The following ETFDH variants were observed in gnomAD, a reference collection of about 807,000 sequenced individuals.
ETFDH encodes the protein electron transfer flavoprotein-ubiquinone oxidoreductase, mitochondrial.
Under a neutral mutation model 73.2 loss-of-function variants are expected in ETFDH, and 61 were observed. The ratio of observed to expected loss-of-function variants is 0.83; its 90% CI spans 0.68 to 1.03. The LOEUF (loss-of-function observed/expected upper bound fraction) is 1.03, where lower values mean the gene tolerates loss of function less well. Among genes scored for constraint, ETFDH ranks in the 50% least tolerant of loss-of-function variants. The pLI is 0.00. For missense variants in ETFDH, 685 were observed against 745.0 expected (o/e 0.92, Z 0.94); for synonymous variants, 243 against 253.3 (o/e 0.96, Z 0.39).
intron 10 of ETFDH, 28 bp from the exon 11 acceptor site, chr4:158,706,161 A>G: frequency 6.6e-7 from 1 of 1,503,934 alleles, no homozygotes; most frequent in East Asian, 2.3e-5. Context: ...GCAGTTTCGC[A>G]CTTAACATTT....
chr4:158,707,972 G>A (rs1774677123), intron 12 of ETFDH, among the ~76,000 whole-genome samples: 1 of 152,214 alleles, frequency 6.6e-6, no homozygotes, highest in Non-Finnish European at 1.5e-5. Context: ...TGAAATACAT[G>A]AACAGAAACG....
intron 9 of ETFDH, 54 bp downstream of exon 9, chr4:158,699,184 A>G: frequency 7.0e-7 from 1 of 1,427,384 alleles, no homozygotes; most frequent in Non-Finnish European, 9.9e-7. Context: ...TTCAGAATTG[A>G]ACATATAATG....
intron 10 of ETFDH, among the ~76,000 whole-genome samples, chr4:158,705,392 TATTGG>T (rs1020600675): frequency 1.6e-4 from 24 of 152,194 alleles, no homozygotes; most frequent in Admixed American, 1.2e-3. Flanking sequence ...ATACCAGCCA[TATTGG>T]ATTAGAGACC....
intron 9 of ETFDH, among the ~76,000 whole-genome samples, chr4:158,702,524 A>G (rs1157256338): frequency 6.6e-6 from 1 of 151,206 alleles, no homozygotes; most frequent in Admixed American, 6.6e-5. Flanking sequence ...CTCCACTTCC[A>G]TAAGATCAAC....
chr4:158,681,976 G>A (rs1773870100), intron 2 of ETFDH: 4 of 579,290 alleles, frequency 6.9e-6, no homozygotes, highest in Admixed American at 3.3e-5. Flanking sequence ...TCAAAGCCAA[G>A]AATTAGTTTA....
chr4:158,689,636 A>ATATATATATTTT (rs765147554), intron 5 of ETFDH, among the ~76,000 whole-genome samples: 2 of 63,666 alleles, frequency 3.1e-5, no homozygotes, highest in African/African-American at 6.1e-5. Flanking sequence ...ATATATATAT[A>ATATATATATTTT]TTGTGGGGGG....
chr4:158,697,374 C>T (rs556555102), intron 7 of ETFDH, among the ~76,000 whole-genome samples, 185 bp from the exon 8 acceptor site: 61 of 152,232 alleles, frequency 4.0e-4, no homozygotes, highest in East Asian at 3.9e-3. Context: ...GGATTGCAGG[C>T]GTGAGCCACC....
chr4:158,705,284 A>C (rs1041349364), intron 10 of ETFDH, among the ~76,000 whole-genome samples: 1 of 152,072 alleles, frequency 6.6e-6, no homozygotes, highest in Admixed American at 6.6e-5. Flanking sequence ...TGCAATCTCA[A>C]ATTCCTTGGC....
At chr4:158,681,022 T>C (rs1015383329) in intron 2 of ETFDH, among the ~76,000 whole-genome samples, 1 of 136,898 alleles carries the variant, frequency 7.3e-6, no homozygotes, top group African/African-American at 2.6e-5. Context: ...ATTATACTTT[T>C]ATCATTATTT....
At position 158,672,495 on chromosome 4, in the gene ETFDH, G is replaced by C. The variant is rs1373597092; in HGVS notation, c.34+5G>C. 2 of 1,614,154 alleles carry C rather than the reference G, an allele frequency of 1.2e-6. No individual in the cohort carries two copies. Among genetic ancestry groups the C allele is most frequent in the Admixed American group, 1.7e-5 (1 of 60,032 alleles). On this transcript the variant is annotated splice_donor_5th_base_variant and intron_variant, in intron 1 of 12. Coordinates refer to ENST00000511912, the MANE Select transcript of ETFDH (RefSeq NM_004453.4). ...TAGCCAAGCTGTCCTGCCTGGGTGA[G>C]AGGAAACGGGCGGTGGGGATAAGTG...
intron 1 of ETFDH, among the ~76,000 whole-genome samples, chr4:158,677,332 T>C (rs879342642): frequency 6.6e-5 from 10 of 152,164 alleles, no homozygotes; most frequent in Non-Finnish European, 1.0e-4. Context: ...ACGTGTAAGG[T>C]TTACATTGGC....
intron 9 of ETFDH, among the ~76,000 whole-genome samples, chr4:158,699,364 T>C (rs906425555): frequency 3.3e-5 from 5 of 151,892 alleles, no homozygotes; most frequent in Non-Finnish European, 5.9e-5. Context: ...GAAGGCCGAG[T>C]TGGGTAGTCT....
chr4:158,677,313 T>C (rs1773735268), intron 1 of ETFDH, among the ~76,000 whole-genome samples: 2 of 152,218 alleles, frequency 1.3e-5, no homozygotes, highest in Admixed American at 1.3e-4. Context: ...GGCAAAGACA[T>C]TAATCAATAC....
chr4:158,683,928 A>G (rs140373213), intron 3 of ETFDH, among the ~76,000 whole-genome samples: 166 of 152,266 alleles, frequency 1.1e-3, no homozygotes, highest in African/African-American at 3.8e-3. Flanking sequence ...TCCAAGAGGA[A>G]AATAAAACTT....
intron 9 of ETFDH, among the ~76,000 whole-genome samples, chr4:158,701,402 ATTTAATGCTC>A (rs1774458558): frequency 6.6e-6 from 1 of 152,130 alleles, no homozygotes; most frequent in Non-Finnish European, 1.5e-5. Flanking sequence ...TGTGGTCCTG[ATTTAATGCTC>A]TTTTATCTAA....
chr4:158,707,371 C>G (rs17843974), intron 12 of ETFDH, among the ~76,000 whole-genome samples: 1,935 of 152,316 alleles, frequency 0.013, 44 homozygotes, highest in African/African-American at 0.042. Flanking sequence ...AGAAGATACA[C>G]TGTGACTTGG....
chr4:158,698,935 G>T, intron 8 of ETFDH, 52 bp from the exon 9 acceptor site: 2 of 1,296,038 alleles, frequency 1.5e-6, no homozygotes, highest in Non-Finnish European at 2.2e-6. Context: ...ATTTTAGCTT[G>T]ATTTAATTTG....
rs1290863946 is a variant in ETFDH at position 158,690,522 on chromosome 4, A to C, written c.684+97A>C. The C allele has an allele frequency of 3.6e-6, 3 of 832,632 alleles. No homozygotes were observed. The African/African-American group carries it at 5.0e-5, about 14-fold the overall frequency. 51.6% of individuals were successfully genotyped at this position (832,632 alleles called of 1,614,324 possible). A position where few individuals can be genotyped will look rare whatever the true frequency, so the allele number is the denominator to read the frequency against. ...GAAACCCCATCTCTCCAAAAAAAGA[A>C]AACAAAATTAGCTGGGCTTCGTGGT... On this transcript the variant is annotated intron_variant, in intron 6 of 12. Transcript: ENST00000511912.
chr4:158,703,705 A>C (rs1030704817), intron 10 of ETFDH, 114 bp downstream of exon 10: 6 of 702,460 alleles, frequency 8.5e-6, no homozygotes, highest in Non-Finnish European at 1.5e-5. Flanking sequence ...ATTAATAAGC[A>C]TGCTATGCAA....
Sources: gnomAD v4.1 joint callset for allele counts (sites outside exome capture counted in the v4.1 genomes callset) on GRCh38, gnomAD v4.1.1 for gene constraint, MANE v1.5 for transcripts, NCBI Gene and HGNC (gene_info 2026-07-23, HGNC 2026-07-21) for gene names.